CARMIL3: variants seen among roughly 807,000 people sequenced by gnomAD.
The protein encoded by CARMIL3 is capping protein regulator and myosin 1 linker 3, also known as capping protein, Arp2/3 and myosin-I linker protein 3.
CARMIL3 carries 88 observed loss-of-function variants against 180.8 expected under a neutral mutation model. The ratio of observed to expected loss-of-function variants is 0.49; its 90% CI spans 0.41 to 0.58. CARMIL3 has a LOEUF of 0.58. CARMIL3 is among the 20% of genes least tolerant of loss of function. CARMIL3 has a pLI of 0.00. For missense variants in CARMIL3, 1,548 were observed against 1,787.0 expected (o/e 0.87, Z 2.41); for synonymous variants, 696 against 714.5 (o/e 0.97, Z 0.41).
intron 14 of CARMIL3, 50 bp from the exon 15 acceptor site, chr14:24,057,753 C>T (rs753515803): frequency 2.2e-5 from 33 of 1,520,602 alleles, no homozygotes; most frequent in Non-Finnish European, 2.9e-5. Flanking sequence ...TTCCTGCCAC[C>T]CCCTACCCCC....
chr14:24,064,288 C>T lies in CARMIL3; in HGVS notation c.3022C>T (p.Arg1008Cys), dbSNP rs757159811. The T allele has an allele frequency of 1.6e-5, 26 of 1,612,856 alleles. No homozygotes were observed. Among genetic ancestry groups the T allele is most frequent in the South Asian group, 9.9e-5 (9 of 90,790 alleles). Residue 1008 changes from arginine (R) to cysteine (C), a missense_variant, in exon 32 of 40, where the codon CGC becomes TGC. Physicochemically the swap from Arg to Cys is radical, Grantham distance 180. Transcript: ENST00000342740. ...GTRQENGMAT[R>C]LDEGLEDFFS... ...TCGTCAGGAGAATGGGATGGCCACC[C>T]GCCTGGATGAAGGGCTGGAGGACTT...
chr14:24,060,272 G>GGGACACGGGGC lies in CARMIL3; in HGVS notation c.2061+18_2061+28dup, dbSNP rs778193320. ...GCCGAGCAAGTAAACGTTTCCCTCTGGGACACGGGGCATACCCGGGGCATG... is the reference window on the plus strand; with the variant it reads ...GCCGAGCAAGTAAACGTTTCCCTCTGGGACACGGGGCGGACACGGGGCATACCCGGGGCATG... On this transcript the variant is annotated intron_variant, in intron 24 of 39. Coordinates refer to ENST00000342740, the MANE Select transcript of CARMIL3 (RefSeq NM_138360.4). 4 of 1,613,666 alleles carry GGGACACGGGGC rather than the reference G, an allele frequency of 2.5e-6. No homozygotes were observed. In the South Asian group the frequency reaches 4.4e-5, roughly 18 times the overall value.
intron 10 of CARMIL3, among the ~76,000 whole-genome samples, 198 bp from the exon 11 acceptor site, chr14:24,056,101 A>G (rs2035669077): frequency 6.6e-6 from 1 of 152,156 alleles, no homozygotes; most frequent in Non-Finnish European, 1.5e-5. Context: ...GTCTCAGCAC[A>G]ACTTCCTAAG....
Position 24,061,212 on chromosome 14 carries a change from A to AT in CARMIL3, c.2304+179dup, listed in dbSNP as rs1254943751. On this transcript the variant is annotated intron_variant, in intron 26 of 39. Coordinates refer to ENST00000342740, the MANE Select transcript of CARMIL3 (RefSeq NM_138360.4). The surrounding 1 kb of genome is among the most constrained non-coding windows in gnomAD (Gnocchi z 4.1). ...GGCATTGCTGCAATATCAGGCTTGGATTTTTTTCTGCTAGCTTTGATGTTG... is the reference window on the plus strand; with the variant it reads ...GGCATTGCTGCAATATCAGGCTTGGATTTTTTTTCTGCTAGCTTTGATGTTG... 6 of 663,512 alleles carry AT rather than the reference A, an allele frequency of 9.0e-6. No individual in the cohort carries two copies. Among genetic ancestry groups the AT allele is most frequent in the Non-Finnish European group, 1.5e-5 (6 of 393,718 alleles). 41.1% of individuals were successfully genotyped at this position (663,512 alleles called of 1,614,324 possible).
At position 24,054,732 on chromosome 14, in the gene CARMIL3, C is replaced by T. The variant is rs769060879; in HGVS notation, c.384C>T (p.Asn128=). ...CCAGGTGTTTGATCCGGCGTGGAAA[C>T]GCAGACACCCCAGAGGGGCCCCGAG... ...PGPGCLIRRG[N]ADTPEGPRDT... The change falls in exon 6 of 40, where the codon AAC becomes AAT. Residue 128 remains asparagine, a synonymous_variant. Coordinates refer to ENST00000342740, the MANE Select transcript of CARMIL3 (RefSeq NM_138360.4). This position sits in a 1 kb window ranked among gnomAD's most constrained non-coding sequence, Gnocchi z 5.1. The T allele has an allele frequency of 2.2e-5, 36 of 1,613,890 alleles. No homozygotes were observed. Among genetic ancestry groups the T allele is most frequent in the Middle Eastern group, 1.6e-4 (1 of 6,084 alleles).
intron 10 of CARMIL3, 117 bp from the exon 11 acceptor site, chr14:24,056,182 G>T (rs1172526346): frequency 6.4e-6 from 5 of 781,840 alleles, no homozygotes; most frequent in Admixed American, 2.5e-5. Flanking sequence ...TTCCCCTGTT[G>T]TGGGGGCCTC....
At chr14:24,053,941 G>A in intron 2 of CARMIL3, 138 bp downstream of exon 2, 1 of 1,156,200 alleles carries the variant, frequency 8.6e-7, no homozygotes, top group Non-Finnish European at 1.2e-6. Flanking sequence ...GAGGAGGCAG[G>A]GCTGGACTGT....
chr14:24,059,222 T>C lies in CARMIL3; in HGVS notation c.1626+33T>C. ...CCTGGGCCTGGGAGGGGACCTGCAG[T>C]CGGAGGAGGCTGTGGGGACTGGGTC... On this transcript the variant is annotated intron_variant, in intron 20 of 39. Transcript: ENST00000342740. This position sits in a 1 kb window ranked among gnomAD's most constrained non-coding sequence, Gnocchi z 6.3. 1 of 1,613,648 alleles carries C rather than the reference T, an allele frequency of 6.2e-7. No homozygotes were observed. Among genetic ancestry groups the C allele is most frequent in the East Asian group, 2.2e-5 (1 of 44,862 alleles).
At chr14:24,056,864 G>A in intron 12 of CARMIL3, 51 bp from the exon 13 acceptor site, 1 of 1,580,112 alleles carries the variant, frequency 6.3e-7, no homozygotes, top group Non-Finnish European at 8.7e-7. Flanking sequence ...ATGTGCTGAG[G>A]GGAAGAGGTG....
At position 24,066,654 on chromosome 14, in the gene CARMIL3, T is replaced by C. The variant is rs1364119191; in HGVS notation, c.3680T>C (p.Ile1227Thr). 6 of 1,613,894 alleles carry C rather than the reference T, an allele frequency of 3.7e-6. No homozygotes were observed. The highest frequency in any genetic ancestry group is 2.7e-5 in the African/African-American group (2 of 74,922). The change falls in exon 36 of 40, where the codon ATA becomes ACA. Residue 1227 changes from isoleucine to threonine, a missense_variant and splice_region_variant. Around this residue, in one of 4 missense-constraint regions of CARMIL3, gnomAD observed 668 missense variants for 687.8 expected, o/e 0.97. Transcript: ENST00000342740. ...AMRRAEATWH[I>T]AEESAPNHSC... ...CGCAGAGCAGAGGCCACATGGCACA[T>C]AGGTATGGAAAGCCTCTTTTCAGGC...
Position 24,061,443 on chromosome 14 carries a change from C to T in CARMIL3, c.2305-54C>T. The T allele has an allele frequency of 1.9e-6, 3 of 1,557,532 alleles. No individual in the cohort carries two copies. The highest frequency in any genetic ancestry group is 1.2e-5 in the South Asian group (1 of 84,126). ...AGATAAAGTCTCTTCTGCTGTGGTG[C>T]CAGCCCTGATCCTGTCCCCCTTGGG... On this transcript the variant is annotated intron_variant, in intron 26 of 39. Transcript: ENST00000342740. This position sits in a 1 kb window ranked among gnomAD's most constrained non-coding sequence, Gnocchi z 4.1.
In CARMIL3 at chr14:24,065,879, T is replaced by G. The variant is rs543793016; in HGVS notation, c.3525+129T>G. On this transcript the variant is annotated intron_variant, in intron 34 of 39. Coordinates refer to ENST00000342740, the MANE Select transcript of CARMIL3 (RefSeq NM_138360.4). ...TGCTTTGGCATTAGAAGATGTTAGC[T>G]GCTCTTCAGCCCCCACCACACACTT... is the stretch of plus-strand genomic sequence containing the variant. The G allele has an allele frequency of 8.3e-6, 11 of 1,328,508 alleles. No homozygotes were observed. In the East Asian group the frequency reaches 2.5e-4, roughly 30 times the overall value. 82.3% of individuals were successfully genotyped at this position (1,328,508 alleles called of 1,614,324 possible). A position where few individuals can be genotyped will look rare whatever the true frequency, so the allele number is the denominator to read the frequency against.
rs2138729017 is a variant in CARMIL3, at chr14:24,058,289, C to CA, written c.1392+68dup. On this transcript the variant is annotated intron_variant, in intron 17 of 39. Coordinates refer to ENST00000342740, the MANE Select transcript of CARMIL3 (RefSeq NM_138360.4). This position sits in a 1 kb window ranked among gnomAD's most constrained non-coding sequence, Gnocchi z 6.4. Reference sequence around the variant, plus strand: ...CCATGTGCATTTCTCAGACCTAAGTCAAACCCTGGCTCCATCTAGCCTCTG... The same window carrying CA: ...CCATGTGCATTTCTCAGACCTAAGTCAAAACCCTGGCTCCATCTAGCCTCTG... 6.5e-7 allele frequency: 1 copy of CA among 1,529,196 alleles called. No homozygotes were observed. Among genetic ancestry groups the CA allele is most frequent in the African/African-American group, 1.4e-5 (1 of 73,092 alleles). 94.7% of individuals were successfully genotyped at this position (1,529,196 alleles called of 1,614,324 possible).
At position 24,054,872 on chromosome 14, in the gene CARMIL3, T is replaced by A; in HGVS notation, c.460+64T>A. On this transcript the variant is annotated intron_variant, in intron 6 of 39. Coordinates refer to ENST00000342740, the MANE Select transcript of CARMIL3 (RefSeq NM_138360.4). This position sits in a 1 kb window ranked among gnomAD's most constrained non-coding sequence, Gnocchi z 5.1. Reference sequence around the variant, plus strand: ...CATCTTGCCCCATGATCAGAGCCCTTTGTGCACAGGGTGTTGCCTGGGCGG... The same window carrying A: ...CATCTTGCCCCATGATCAGAGCCCTATGTGCACAGGGTGTTGCCTGGGCGG... 6.5e-7 allele frequency: 1 copy of A among 1,534,804 alleles called. No individual in the cohort carries two copies. Among genetic ancestry groups the A allele is most frequent in the Non-Finnish European group, 9.0e-7 (1 of 1,114,196 alleles).
chr14:24,067,460 G>A (rs752451808), intron 36 of CARMIL3, among the ~76,000 whole-genome samples: 6 of 152,264 alleles, frequency 3.9e-5, no homozygotes, highest in Admixed American at 6.5e-5. Flanking sequence ...AGGCTAGGGC[G>A]TAAGGGCTGG....
chr14:24,057,085 G>C, intron 13 of CARMIL3, 61 bp downstream of exon 13: 2 of 1,594,198 alleles, frequency 1.3e-6, no homozygotes, highest in Non-Finnish European at 1.7e-6. Context: ...CAGGAGCTGG[G>C]AGGCCTTCTG....
chr14:24,056,877 G>T, intron 12 of CARMIL3, 38 bp from the exon 13 acceptor site: 2 of 1,604,162 alleles, frequency 1.2e-6, no homozygotes, highest in Non-Finnish European at 1.7e-6. Context: ...AAGAGGTGGG[G>T]CTAGGGGCCA....
At position 24,065,155 on chromosome 14, in the gene CARMIL3, C is replaced by A. The variant is rs767499559; in HGVS notation, c.3278C>A (p.Pro1093His). Residue 1093 changes from proline (P) to histidine (H), a missense_variant, in exon 33 of 40, where the codon CCT (proline) becomes CAT (histidine). Physicochemically the swap from Pro to His is moderately conservative, Grantham distance 77 (BLOSUM62 -2). Transcript: ENST00000342740. ...PPPPPTQESP[P>H]SPDPPSLGNN... The stretch of plus-strand genomic sequence containing the variant: ...CCTCCCCCGACTCAGGAGAGCCCCC[C>A]TAGCCCAGACCCCCCAAGCCTCGGC... 6.7e-7 allele frequency: 1 copy of A among 1,491,192 alleles called. No individual in the cohort carries two copies. Among genetic ancestry groups the A allele is most frequent in the South Asian group, 1.4e-5 (1 of 73,414 alleles). 92.4% of individuals were successfully genotyped at this position (1,491,192 alleles called of 1,614,324 possible).
At position 24,057,226 on chromosome 14, in the gene CARMIL3, T is replaced by A; in HGVS notation, c.1122T>A (p.Thr374=). Reference sequence around the variant, plus strand: ...TGGTGCACCTGGACCTGTCAGGAACTGACTGCGTCATCGACTTGGTGAGGA... The same window carrying A: ...TGGTGCACCTGGACCTGTCAGGAACAGACTGCGTCATCGACTTGGTGAGGA... ...NALVHLDLSG[T]DCVIDLLLGA... The change falls in exon 14 of 40, where the codon ACT becomes ACA. Residue 374 remains threonine, a synonymous_variant. Transcript: ENST00000342740. 1 of 1,614,038 alleles carries A rather than the reference T, an allele frequency of 6.2e-7. No homozygotes were observed.
Sources: allele counts gnomAD v4.1 joint callset (sites outside exome capture counted in the v4.1 genomes callset), GRCh38; gene constraint gnomAD v4.1.1; regional missense constraint gnomAD v4.1.1; non-coding constraint Gnocchi (gnomAD v3.1); transcripts MANE v1.5; gene names NCBI Gene and HGNC (gene_info 2026-07-23, HGNC 2026-07-21).